PKHD1: variants seen among roughly 807,000 people sequenced by gnomAD.
PKHD1 encodes the protein PKHD1 ciliary IPT domain containing fibrocystin/polyductin, also known as fibrocystin.
A neutral mutation model predicts 412.0 loss-of-function variants in PKHD1; 291 were observed. The ratio of observed to expected loss-of-function variants is 0.71; its 90% CI spans 0.64 to 0.78. The LOEUF is 0.78. Ranked by LOEUF, PKHD1 falls within the 30% of genes least tolerant of loss-of-function variation. The pLI, the probability that PKHD1 is intolerant of heterozygous loss-of-function variation, is 0.00. For missense variants in PKHD1, 4,825 were observed against 4,950.7 expected, an observed-to-expected ratio of 0.97 and a Z score of 0.76; for synonymous variants, 1,777 against 1,821.5, an observed-to-expected ratio of 0.98 and a Z score of 0.62.
At chr6:51,937,863 C>T (rs1433822294) in intron 36 of PKHD1, among the ~76,000 whole-genome samples, 1 of 152,182 alleles carries the variant, frequency 6.6e-6, no homozygotes, top group Admixed American at 6.5e-5. Context: ...ATCACACTCA[C>T]CATCTTCGCT....
At chr6:51,893,346 C>T (rs1779395230) in intron 43 of PKHD1, among the ~76,000 whole-genome samples, 1 of 152,178 alleles carries the variant, frequency 6.6e-6, no homozygotes, top group African/African-American at 2.4e-5. Context: ...GAATCATCTG[C>T]CCTAGTGCCA....
chr6:51,682,036 G>A (rs1388416039), intron 60 of PKHD1, among the ~76,000 whole-genome samples: 3 of 152,042 alleles, frequency 2.0e-5, no homozygotes, highest in Non-Finnish European at 4.4e-5. Context: ...TGGACAAGAA[G>A]TACAAACGAG....
At chr6:51,818,799 G>A (rs189284810) in intron 52 of PKHD1, among the ~76,000 whole-genome samples, 16 of 152,116 alleles carry the variant, frequency 1.1e-4, no homozygotes, top group African/African-American at 3.4e-4. Flanking sequence ...CCTGGAATGC[G>A]GCTGCAATGG....
rs879842807 is a variant in PKHD1, at chr6:51,923,561, A to G, written c.6121+10549T>C. Among the ~76,000 whole-genome samples the G allele has an allele frequency of 4.9e-4, 75 of 152,262 alleles. 1 individual carries two copies. The highest frequency in any genetic ancestry group is 1.6e-3 in the African/African-American group (67 of 41,578). ...AAAGTACCAAAAAACAAGTAGGTAA[A>G]TTTTTATATAGTCTTTGTACAGAAA... is the stretch of plus-strand genomic sequence containing the variant. On this transcript the variant is annotated intron_variant, in intron 37 of 66. Coordinates refer to ENST00000371117, the MANE Select transcript of PKHD1 (RefSeq NM_138694.4).
At chr6:51,967,991 G>A (rs1395344338) in intron 35 of PKHD1, among the ~76,000 whole-genome samples, 2 of 152,046 alleles carry the variant, frequency 1.3e-5, no homozygotes, top group African/African-American at 4.8e-5. Flanking sequence ...TGACAGCTCC[G>A]CAGTTTCATA....
intron 53 of PKHD1, among the ~76,000 whole-genome samples, chr6:51,781,472 T>C (rs548684629): frequency 3.3e-5 from 5 of 152,242 alleles, no homozygotes; most frequent in South Asian, 4.1e-4. Context: ...AACATGAAAA[T>C]ATGTTATTCA....
intron 27 of PKHD1, among the ~76,000 whole-genome samples, chr6:52,038,304 G>A (rs1804262001): frequency 6.6e-6 from 1 of 151,642 alleles, no homozygotes; most frequent in African/African-American, 2.4e-5. Context: ...GAATCTGGCA[G>A]GCAAAGGTTG....
At chr6:52,014,819 T>C (rs992483963) in intron 34 of PKHD1, among the ~76,000 whole-genome samples, 1 of 150,834 alleles carries the variant, frequency 6.6e-6, no homozygotes, top group South Asian at 2.2e-4. Context: ...GATGGATGGA[T>C]GGATGGACGG....
At chr6:51,967,654 ATG>A (rs35495373) in intron 35 of PKHD1, among the ~76,000 whole-genome samples, 30,298 of 146,998 alleles carry the variant, frequency 0.21, 3,684 homozygotes, top group Admixed American at 0.38. Flanking sequence ...GTGTGTGTGT[ATG>A]TGTGTGTGTG....
chr6:51,748,980 G>A (rs531355067), intron 57 of PKHD1, among the ~76,000 whole-genome samples: 10 of 152,152 alleles, frequency 6.6e-5, no homozygotes, highest in Non-Finnish European at 1.3e-4. Context: ...GTATTTGTCG[G>A]GGGCCGGGTC....
At chr6:52,014,786 GATC>G (rs59997857) in intron 34 of PKHD1, among the ~76,000 whole-genome samples, 1 of 91,910 alleles carries the variant, frequency 1.1e-5, no homozygotes, top group South Asian at 4.8e-4. Flanking sequence ...TAGATGGATG[GATC>G]ATGGATGGAT....
In PKHD1 at chr6:52,054,595, G is replaced by C. The variant is rs140583724; in HGVS notation, c.1837-430C>G. Among the ~76,000 whole-genome samples the C allele has an allele frequency of 2.0e-3, 297 of 152,234 alleles. 2 individuals are homozygous for C. Among genetic ancestry groups the C allele is most frequent in the African/African-American group, 6.8e-3 (282 of 41,542 alleles). The stretch of plus-strand genomic sequence containing the variant: ...TCCTTGGTTTCTAACTCAGTTAAAG[G>C]CAAAGCTGTTGCCACAAGAAGACTT... On this transcript the variant is annotated intron_variant, in intron 19 of 66. Coordinates refer to ENST00000371117, the MANE Select transcript of PKHD1 (RefSeq NM_138694.4).
intron 60 of PKHD1, among the ~76,000 whole-genome samples, chr6:51,687,760 C>T (rs1293354224): frequency 6.6e-6 from 1 of 152,182 alleles, no homozygotes; most frequent in African/African-American, 2.4e-5. Flanking sequence ...CTTGTCATAA[C>T]ATGATGCTCT....
intron 52 of PKHD1, among the ~76,000 whole-genome samples, chr6:51,808,457 T>G (rs1363470031): frequency 6.6e-6 from 1 of 152,030 alleles, no homozygotes; most frequent in African/African-American, 2.4e-5. Context: ...AAATTAAAAT[T>G]AAAAGTAGAG....
intron 35 of PKHD1, among the ~76,000 whole-genome samples, chr6:51,999,699 T>C (rs1473497028): frequency 1.3e-5 from 2 of 152,256 alleles, no homozygotes; most frequent in East Asian, 3.8e-4. Flanking sequence ...TTGCCTTTTG[T>C]ATCTCAAGGC....
intron 55 of PKHD1, among the ~76,000 whole-genome samples, chr6:51,770,051 A>G (rs1789809415): frequency 6.6e-6 from 1 of 151,476 alleles, no homozygotes; most frequent in South Asian, 2.1e-4. Flanking sequence ...TTTTAGGGTA[A>G]AGGAGTAGTT....
At position 52,026,120 on chromosome 6, in the gene PKHD1, T is replaced by C. The variant is rs762868509; in HGVS notation, c.3690A>G (p.Val1230=). 25 of 1,614,048 alleles carry C rather than the reference T, an allele frequency of 1.5e-5. No homozygotes were observed. Among genetic ancestry groups the C allele is most frequent in the Non-Finnish European group, 2.1e-5 (25 of 1,180,012 alleles). Residue 1230 remains valine (V), a synonymous_variant, in exon 32 of 67, where the codon GTA becomes GTG. Transcript: ENST00000371117. ...TGTCACAGGACCGATTGCCCACAAG[T>C]ACCCAAACCAAAGCTGGGTCCCTGC... The part of the protein sequence containing the change: ...GFSRDPALVW[V]LVGNRSCDIV...
At chr6:51,656,993 T>G (rs1019332446) in intron 61 of PKHD1, among the ~76,000 whole-genome samples, 3 of 151,932 alleles carry the variant, frequency 2.0e-5, no homozygotes, top group African/African-American at 7.3e-5. Context: ...AGTACTCTCT[T>G]AGAAAAATGT....
At chr6:51,678,197 T>C (rs1466804651) in intron 60 of PKHD1, among the ~76,000 whole-genome samples, 1 of 152,148 alleles carries the variant, frequency 6.6e-6, no homozygotes, top group Non-Finnish European at 1.5e-5. Context: ...TCTGCCACTT[T>C]CTAGCTGCAA....
Sources: gnomAD v4.1 joint callset for allele counts (sites outside exome capture counted in the v4.1 genomes callset) on GRCh38, gnomAD v4.1.1 for gene constraint, MANE v1.5 for transcripts, NCBI Gene and HGNC (gene_info 2026-07-23, HGNC 2026-07-21) for gene names.